Variants in ELOVL2 observed in about 807,000 individuals in gnomAD.
ELOVL2 encodes the protein ELOVL fatty acid elongase 2, also known as very long chain fatty acid elongase 2.
A neutral mutation model predicts 37.7 loss-of-function variants in ELOVL2; 38 were observed. The observed-to-expected ratio is 1.01, with a 90% CI of 0.78 to 1.32. The LOEUF is 1.32. Among genes scored for constraint, ELOVL2 ranks in the 40% most tolerant of loss-of-function variants. ELOVL2 has a pLI of 0.00. For missense variants in ELOVL2, 352 were observed against 363.6 expected (o/e 0.97, Z 0.26); for synonymous variants, 115 against 122.3 (o/e 0.94, Z 0.40).
chr6:11,010,994 A>G (rs368139465), intron 1 of ELOVL2, among the ~76,000 whole-genome samples, 185 bp from the exon 2 acceptor site: 2 of 152,186 alleles, frequency 1.3e-5, no homozygotes, highest in South Asian at 2.1e-4. Context: ...ACAAGCCTAT[A>G]AAGATTTGGA....
chr6:11,020,041 G>C (rs1032111740), intron 1 of ELOVL2, among the ~76,000 whole-genome samples: 1 of 152,130 alleles, frequency 6.6e-6, no homozygotes, highest in East Asian at 1.9e-4. Context: ...ACCAGGCCTG[G>C]CTTGTATCAT....
chr6:10,998,787 C>A lies in ELOVL2; in HGVS notation c.333+1300G>T, dbSNP rs541056998. 1.6e-4 allele frequency among the ~76,000 whole-genome samples: 24 copies of A among 152,238 alleles called. No individual in the cohort carries two copies. In the South Asian group the frequency reaches 5.0e-3, roughly 32 times the overall value. ...TGGAGAAAATTCTATTTAGAGAGCA[C>A]AATCTAGGTAATCACTGCTCGTTGT... On this transcript the variant is annotated intron_variant, in intron 4 of 7. Coordinates refer to ENST00000354666, the MANE Select transcript of ELOVL2 (RefSeq NM_017770.4).
intron 3 of ELOVL2, among the ~76,000 whole-genome samples, chr6:11,003,126 T>G (rs1388946106): frequency 6.6e-6 from 1 of 152,238 alleles, no homozygotes; most frequent in Non-Finnish European, 1.5e-5. Context: ...CTGGCCCTTC[T>G]GCTGCTGCTG....
At chr6:10,994,468 C>CAA (rs1297408324) in intron 5 of ELOVL2, among the ~76,000 whole-genome samples, 2 of 51,096 alleles carry the variant, frequency 3.9e-5, no homozygotes, top group African/African-American at 8.2e-5. Flanking sequence ...AATTCCATCT[C>CAA]AAAAAAAAAA....
chr6:10,990,065 C>T (rs1782124705), intron 6 of ELOVL2, among the ~76,000 whole-genome samples: 1 of 152,082 alleles, frequency 6.6e-6, no homozygotes, highest in Non-Finnish European at 1.5e-5. Context: ...ATTATTTAGA[C>T]AAAAAGGATT....
intron 7 of ELOVL2, among the ~76,000 whole-genome samples, chr6:10,986,491 T>C (rs1423159283): frequency 6.6e-6 from 1 of 152,216 alleles, no homozygotes; most frequent in African/African-American, 2.4e-5. Context: ...GGGTTTGTCA[T>C]AGACAGCTCT....
chr6:10,993,848 G>A (rs1158650987), intron 5 of ELOVL2, among the ~76,000 whole-genome samples: 2 of 138,568 alleles, frequency 1.4e-5, no homozygotes, highest in African/African-American at 2.7e-5. Context: ...ACGTCACCAC[G>A]CCCAGCTAAT....
intron 1 of ELOVL2, among the ~76,000 whole-genome samples, chr6:11,017,217 G>A (rs1782697396): frequency 6.6e-6 from 1 of 152,174 alleles, no homozygotes; most frequent in South Asian, 2.1e-4. Context: ...GTACGTGTCA[G>A]GCACCTGATA....
intron 1 of ELOVL2, among the ~76,000 whole-genome samples, chr6:11,030,220 T>C (rs1782901042): frequency 6.6e-6 from 1 of 152,156 alleles, no homozygotes; most frequent in Admixed American, 6.5e-5. Context: ...GAGTCTGACC[T>C]GGTAAGGCCT....
At chr6:10,997,764 A>T (rs746784413) in intron 4 of ELOVL2, among the ~76,000 whole-genome samples, 1 of 152,174 alleles carries the variant, frequency 6.6e-6, no homozygotes, top group African/African-American at 2.4e-5. Flanking sequence ...TCACATCAGG[A>T]GGTACGTAAT....
At position 11,002,696 on chromosome 6, in the gene ELOVL2, C is replaced by T. The variant is rs561278386; in HGVS notation, c.256-2532G>A. 4.6e-5 allele frequency among the ~76,000 whole-genome samples: 7 copies of T among 152,318 alleles called. No individual in the cohort carries two copies. The South Asian group carries it at 1.4e-3, about 32-fold the overall frequency. ...TTTACCTCGTTGTTCAACAACTAAACGGTTGTTCTTGCTCCTGTTGATGGT... is the reference window on the plus strand; with the variant it reads ...TTTACCTCGTTGTTCAACAACTAAATGGTTGTTCTTGCTCCTGTTGATGGT... On this transcript the variant is annotated intron_variant, in intron 3 of 7. Coordinates refer to ENST00000354666, the MANE Select transcript of ELOVL2 (RefSeq NM_017770.4).
chr6:11,037,675 C>A, intron 1 of ELOVL2, among the ~76,000 whole-genome samples: 1 of 152,102 alleles, frequency 6.6e-6, no homozygotes. Flanking sequence ...ACTCAATGTT[C>A]TTCTATGTCT....
chr6:10,985,995 C>T (rs146632589), intron 7 of ELOVL2, among the ~76,000 whole-genome samples: 35,701 of 151,800 alleles, frequency 0.24, 4,199 homozygotes, highest in Middle Eastern at 0.32. Context: ...GAATGTTCTT[C>T]CATTTGTTTG....
chr6:11,039,670 C>T (rs1341848023), intron 1 of ELOVL2, among the ~76,000 whole-genome samples: 1 of 152,058 alleles, frequency 6.6e-6, no homozygotes. Context: ...GAATCGATTC[C>T]CTCTGATATT....
At chr6:11,040,240 G>A (rs1783079251) in intron 1 of ELOVL2, among the ~76,000 whole-genome samples, 1 of 152,116 alleles carries the variant, frequency 6.6e-6, no homozygotes, top group Admixed American at 6.5e-5. Flanking sequence ...TTGTAATGCT[G>A]GGTTTAAGGT....
chr6:10,984,286 A>T (rs1006327539), intron 7 of ELOVL2, among the ~76,000 whole-genome samples: 4 of 152,114 alleles, frequency 2.6e-5, no homozygotes, highest in African/African-American at 9.7e-5. Flanking sequence ...CCAAAGTACT[A>T]AGATTACAGG....
chr6:10,997,935 T>C lies in ELOVL2; in HGVS notation c.333+2152A>G, dbSNP rs192338454. Reference sequence around the variant, plus strand: ...AGATGTTTGTCCCCTCCAAATCTCATGTTGAAATGTCATCCCCAATGTCGG... The same window carrying C: ...AGATGTTTGTCCCCTCCAAATCTCACGTTGAAATGTCATCCCCAATGTCGG... On this transcript the variant is annotated intron_variant, in intron 4 of 7. Coordinates refer to ENST00000354666, the MANE Select transcript of ELOVL2 (RefSeq NM_017770.4). Among the ~76,000 whole-genome samples the C allele has an allele frequency of 2.6e-5, 4 of 152,320 alleles. No homozygotes were observed. The East Asian group carries it at 5.8e-4, about 22-fold the overall frequency.
At position 10,994,972 on chromosome 6, in the gene ELOVL2, T is replaced by A. The variant is rs1449905716; in HGVS notation, c.505+35A>T. The A allele has an allele frequency of 2.6e-6, 4 of 1,523,752 alleles. No homozygotes were observed. In the African/African-American group the frequency reaches 4.1e-5, roughly 16 times the overall value. 94.4% of individuals were successfully genotyped at this position (1,523,752 alleles called of 1,614,324 possible). On this transcript the variant is annotated intron_variant, in intron 5 of 7. Transcript: ENST00000354666. Reference sequence around the variant, plus strand: ...CAGCACCAGTGGTCTCTAAGAGCCATTCCTCAAAACGGAAAAATTAACAAA... The same window carrying A: ...CAGCACCAGTGGTCTCTAAGAGCCAATCCTCAAAACGGAAAAATTAACAAA...
chr6:11,018,742 A>ATT (rs1448004668), intron 1 of ELOVL2, among the ~76,000 whole-genome samples: 1 of 152,222 alleles, frequency 6.6e-6, no homozygotes, highest in Non-Finnish European at 1.5e-5. Flanking sequence ...TAAAGGATTG[A>ATT]TTTTTTGATG....
Sources: allele counts gnomAD v4.1 joint callset (sites outside exome capture counted in the v4.1 genomes callset), GRCh38; gene constraint gnomAD v4.1.1; transcripts MANE v1.5; gene names NCBI Gene and HGNC (gene_info 2026-07-23, HGNC 2026-07-21).